Variants in GSDME observed in about 807,000 individuals in gnomAD.
GSDME encodes gasdermin-E.
A neutral mutation model predicts 47.5 loss-of-function variants in GSDME; 44 were observed. The observed-to-expected ratio is 0.93, with a 90% CI of 0.73 to 1.19. The LOEUF is 1.19. GSDME is among the 50% of genes most tolerant of loss of function. The pLI is 0.00. For synonymous variants in GSDME, 258 were observed against 252.8 expected, an observed-to-expected ratio of 1.02 and a Z score of -0.20; for missense variants, 663 against 604.2, an observed-to-expected ratio of 1.10 and a Z score of -1.02.
At chr7:24,764,294 C>T in the GSDME span, among the ~76,000 whole-genome samples, 1 of 152,162 alleles carries the variant, frequency 6.6e-6, no homozygotes, top group Non-Finnish European at 1.5e-5. The surrounding 1 kb of genome is among the most constrained non-coding windows in gnomAD (Gnocchi z 4.4). Context: ...AGAAAACAAC[C>T]CTGCAAGTAG....
In GSDME at chr7:24,736,066, TACC is replaced by T. The variant is rs1248942265; in HGVS notation, c.404+8493_404+8495del. On this transcript the variant is annotated intron_variant, in intron 3 of 9. Transcript: ENST00000645220. The surrounding 1 kb of genome is among the most constrained non-coding windows in gnomAD (Gnocchi z 4.6). ...AAATAGAAAGCAAGAAATTAAATCA[TACC>T]ACCATAGAAAGTCACCTTCACTAAA... is the stretch of plus-strand genomic sequence containing the variant. Among the ~76,000 whole-genome samples, 1 of 151,946 alleles carries T rather than the reference TACC, an allele frequency of 6.6e-6. No individual in the cohort carries two copies. The highest frequency in any genetic ancestry group is 2.4e-5 in the African/African-American group (1 of 41,356).
chr7:24,713,358 C>A (rs1417560266), intron 5 of GSDME, among the ~76,000 whole-genome samples: 1 of 152,154 alleles, frequency 6.6e-6, no homozygotes, highest in Admixed American at 6.5e-5. Context: ...GGTTTTATGA[C>A]CTGCTACAGG....
chr7:24,778,948 A>G, the GSDME span, among the ~76,000 whole-genome samples: 1 of 152,034 alleles, frequency 6.6e-6, no homozygotes, highest in Non-Finnish European at 1.5e-5. This position sits in a 1 kb window ranked among gnomAD's most constrained non-coding sequence, Gnocchi z 5.6. Context: ...AACCTCAAAC[A>G]CCTGCCATAC....
chr7:24,767,619 C>CT, the GSDME span, among the ~76,000 whole-genome samples: 44,936 of 146,992 alleles, frequency 0.31, 7,049 homozygotes, highest in East Asian at 0.48. This position sits in a 1 kb window ranked among gnomAD's most constrained non-coding sequence, Gnocchi z 5.3. Flanking sequence ...GTTGTAGAAC[C>CT]TTTTTTTTTT....
chr7:24,710,463 C>T (rs1467644256), intron 5 of GSDME, 75 bp from the exon 6 acceptor site: 15 of 1,464,752 alleles, frequency 1.0e-5, no homozygotes, highest in Non-Finnish European at 1.4e-5. Context: ...ACAGGGTCAG[C>T]CCAGCCTTGA....
intron 9 of GSDME, among the ~76,000 whole-genome samples, chr7:24,701,166 C>G (rs149690140): frequency 0.012 from 1,894 of 152,300 alleles, 55 homozygotes; most frequent in African/African-American, 0.043. Flanking sequence ...CTTAAAGAAA[C>G]ATGACGCTCA....
chr7:24,713,186 T>C, intron 5 of GSDME, among the ~76,000 whole-genome samples: 1 of 152,158 alleles, frequency 6.6e-6, no homozygotes, highest in South Asian at 2.1e-4. Context: ...GAGCATATGA[T>C]GGAAAGGCCA....
At chr7:24,790,081 C>G in the GSDME span, among the ~76,000 whole-genome samples, 3 of 152,226 alleles carry the variant, frequency 2.0e-5, no homozygotes, top group Admixed American at 1.3e-4. This position sits in a 1 kb window ranked among gnomAD's most constrained non-coding sequence, Gnocchi z 4.1. Flanking sequence ...ATATCTCTAA[C>G]TATGTCTTCA....
chr7:24,733,914 G>A lies in GSDME; in HGVS notation c.404+10648C>T, dbSNP rs1035804237. 1.3e-5 allele frequency among the ~76,000 whole-genome samples: 2 copies of A among 152,192 alleles called. No individual in the cohort carries two copies. Among genetic ancestry groups the A allele is most frequent in the African/African-American group, 4.8e-5 (2 of 41,440 alleles). On this transcript the variant is annotated intron_variant, in intron 3 of 9. Coordinates refer to ENST00000645220, the MANE Select transcript of GSDME (RefSeq NM_001127453.2). The surrounding 1 kb of genome is among the most constrained non-coding windows in gnomAD (Gnocchi z 4.3). Reference sequence around the variant, plus strand: ...GGCTTTACCACCTGCTGATTATACAGCCCTAGGGCCTTGAGCAAACATAGG... The same window carrying A: ...GGCTTTACCACCTGCTGATTATACAACCCTAGGGCCTTGAGCAAACATAGG...
chr7:24,769,222 A>T, the GSDME span, among the ~76,000 whole-genome samples: 2 of 152,216 alleles, frequency 1.3e-5, no homozygotes, highest in Admixed American at 6.5e-5. Flanking sequence ...CAGAAACCAC[A>T]GGAACCATTG....
chr7:24,785,505 G>C, the GSDME span, among the ~76,000 whole-genome samples: 17,076 of 152,112 alleles, frequency 0.11, 1,157 homozygotes, highest in East Asian at 0.2. Flanking sequence ...CACCAGTCTG[G>C]AGTGCAGTGG....
chr7:24,713,989 T>C (rs1240434918), intron 5 of GSDME, among the ~76,000 whole-genome samples: 2 of 152,044 alleles, frequency 1.3e-5, no homozygotes, highest in Non-Finnish European at 2.9e-5. Context: ...AGGGAGATGG[T>C]GTTAGGGCCA....
At position 24,725,620 on chromosome 7, in the gene GSDME, G is replaced by A. The variant is rs1451516961; in HGVS notation, c.405-6402C>T. On this transcript the variant is annotated intron_variant, in intron 3 of 9. Coordinates refer to ENST00000645220, the MANE Select transcript of GSDME (RefSeq NM_001127453.2). This position sits in a 1 kb window ranked among gnomAD's most constrained non-coding sequence, Gnocchi z 5.1. ...GATCGATTGAGCAAGCAGTGGGTAC[G>A]TGACTGGGGGCTGCATGCTCTGCTA... is the stretch of plus-strand genomic sequence containing the variant. Among the ~76,000 whole-genome samples, 1 of 152,200 alleles carries A rather than the reference G, an allele frequency of 6.6e-6. No homozygotes were observed. The highest frequency in any genetic ancestry group is 2.4e-5 in the African/African-American group (1 of 41,444).
chr7:24,772,525 C>T, the GSDME span, among the ~76,000 whole-genome samples: 1 of 152,194 alleles, frequency 6.6e-6, no homozygotes, highest in Non-Finnish European at 1.5e-5. The surrounding 1 kb of genome is among the most constrained non-coding windows in gnomAD (Gnocchi z 4.5). Flanking sequence ...GTCGGCACTC[C>T]ACAGATATCT....
At chr7:24,761,373 C>T (rs1200387835), upstream of GSDME, among the ~76,000 whole-genome samples, 1 of 152,224 alleles carries the variant, frequency 6.6e-6, no homozygotes, top group Non-Finnish European at 1.5e-5. This position sits in a 1 kb window ranked among gnomAD's most constrained non-coding sequence, Gnocchi z 4.4. Flanking sequence ...AAGGCATCAG[C>T]AGATTCGATG....
At chr7:24,788,949 C>T in the GSDME span, among the ~76,000 whole-genome samples, 3 of 152,150 alleles carry the variant, frequency 2.0e-5, no homozygotes, top group Admixed American at 1.3e-4. This position sits in a 1 kb window ranked among gnomAD's most constrained non-coding sequence, Gnocchi z 4.6. Flanking sequence ...AACTGTTATG[C>T]AAATGTCTTT....
Position 24,719,288 on chromosome 7 carries a change from T to TA in GSDME, c.405-71_405-70insT, listed in dbSNP as rs878880204. 2.0e-5 allele frequency: 31 copies of TA among 1,519,016 alleles called. No homozygotes were observed. In the South Asian group the frequency reaches 2.9e-4, roughly 14 times the overall value. The allele number at this position is 1,519,016 out of a possible 1,614,324, so 94.1% of individuals were successfully genotyped here. On this transcript the variant is annotated intron_variant, in intron 3 of 9. Coordinates refer to ENST00000645220, the MANE Select transcript of GSDME (RefSeq NM_001127453.2). ...CATTGGTGTAGTGTGAATTTCCTCT[T>TA]GCACAGCAGGCAGCTGAGGAGTGAG...
intron 2 of GSDME, among the ~76,000 whole-genome samples, chr7:24,748,519 C>T (rs1008916840): frequency 1.3e-5 from 2 of 152,150 alleles, no homozygotes; most frequent in South Asian, 4.1e-4. Context: ...GGCTACAAAC[C>T]AAGTGTCAAC....
chr7:24,708,418 C>T (rs1789211440), intron 6 of GSDME, among the ~76,000 whole-genome samples, 164 bp from the exon 7 acceptor site: 3 of 152,166 alleles, frequency 2.0e-5, no homozygotes, highest in Admixed American at 6.5e-5. Context: ...AGTTACAAGC[C>T]ACCCTGCATA....
Sources: gnomAD v4.1 joint callset for allele counts (sites outside exome capture counted in the v4.1 genomes callset) on GRCh38, gnomAD v4.1.1 for gene constraint, Gnocchi (gnomAD v3.1) non-coding constraint, MANE v1.5 for transcripts, NCBI Gene and HGNC (gene_info 2026-07-23, HGNC 2026-07-21) for gene names.